The following CDHR3 variants were observed in gnomAD, a reference collection of about 807,000 sequenced individuals.
The protein encoded by CDHR3 is cadherin related family member 3, also known as cadherin-related family member 3.
A neutral mutation model predicts 86.6 loss-of-function variants in CDHR3; 79 were observed. The observed-to-expected ratio is 0.91, with a 90% CI of 0.76 to 1.10. The LOEUF is 1.10. CDHR3 is among the 50% of genes least tolerant of loss of function. CDHR3 has a pLI of 0.00. For synonymous variants in CDHR3, 421 were observed against 402.4 expected (o/e 1.05, Z -0.55); for missense variants, 1,081 against 1,077.6 (o/e 1.00, Z -0.04).
rs762962922 is a variant in CDHR3, at chr7:106,026,665, T to C, written c.2259-17T>C. On this transcript the variant is annotated splice_polypyrimidine_tract_variant and intron_variant, in intron 15 of 18. Transcript: ENST00000317716. ...TACTTTCAAGTGAATTAATAGCCAT[T>C]CTTTTTCCCCCCATAGGACAAAGAA... The C allele has an allele frequency of 3.1e-6, 5 of 1,613,722 alleles. No individual in the cohort carries two copies. The Admixed American group carries it at 5.0e-5, about 16-fold the overall frequency.
At chr7:106,019,797 A>G (rs773313201) in intron 12 of CDHR3, among the ~76,000 whole-genome samples, 1 of 152,190 alleles carries the variant, frequency 6.6e-6, no homozygotes, top group Non-Finnish European at 1.5e-5. Context: ...GCTGCATATT[A>G]GAATCAGCTA....
At chr7:106,009,426 G>A (rs536113193) in intron 8 of CDHR3, among the ~76,000 whole-genome samples, 136 of 152,324 alleles carry the variant, frequency 8.9e-4, no homozygotes, top group Non-Finnish European at 1.7e-3. Flanking sequence ...GTCCAACTAT[G>A]TCAAAGCCAA....
At chr7:106,028,947 T>C (rs142690278) in intron 17 of CDHR3, among the ~76,000 whole-genome samples, 10 of 144,856 alleles carry the variant, frequency 6.9e-5, no homozygotes, top group African/African-American at 2.6e-4. Context: ...TTTCTTTCTT[T>C]CTTTCTTTCT....
At chr7:105,986,113 A>G (rs1241399927) in intron 4 of CDHR3, among the ~76,000 whole-genome samples, 2 of 152,218 alleles carry the variant, frequency 1.3e-5, no homozygotes, top group Admixed American at 6.5e-5. Flanking sequence ...TACAGGATAG[A>G]GCAGGCAGGC....
chr7:106,024,579 C>T lies in CDHR3; in HGVS notation c.2258+17C>T. On this transcript the variant is annotated intron_variant, in intron 15 of 18. Transcript: ENST00000317716. ...GGAACCTCTGTAAGTTGCCAGTGGG[C>T]TGGGCCCTCTTCCCCACCTCCTTTA... 6.2e-7 allele frequency: 1 copy of T among 1,612,570 alleles called. No homozygotes were observed. The highest frequency in any genetic ancestry group is 8.5e-7 in the Non-Finnish European group (1 of 1,179,022).
chr7:106,032,441 G>A lies in CDHR3; in HGVS notation c.2402G>A (p.Trp801Ter). ...EFNSKTGARK[W>*]KDPLTQMPKW... ...AACTCAAAAACTGGAGCCAGAAAGT[G>A]GAAAGATCCACTAACCCAAATGCCA... The change falls in exon 19 of 19, where the codon TGG becomes TAG. Residue 801 changes from tryptophan (W) to a stop codon, truncating the protein, a stop_gained. Coordinates refer to ENST00000317716, the MANE Select transcript of CDHR3 (RefSeq NM_152750.5). LOFTEE classifies it low-confidence loss of function (END_TRUNC). 1 of 1,613,162 alleles carries A rather than the reference G, an allele frequency of 6.2e-7. No homozygotes were observed. The highest frequency in any genetic ancestry group is 8.5e-7 in the Non-Finnish European group (1 of 1,179,318).
intron 13 of CDHR3, among the ~76,000 whole-genome samples, chr7:106,021,592 C>G (rs1836582404): frequency 6.6e-6 from 1 of 152,174 alleles, no homozygotes; most frequent in Non-Finnish European, 1.5e-5. Flanking sequence ...CTGAGCTGAG[C>G]CATGAGCCCC....
In CDHR3 at chr7:106,015,141, A is replaced by G. The variant is rs1234728910; in HGVS notation, c.1255A>G (p.Ser419Gly). The G allele has an allele frequency of 3.1e-6, 5 of 1,610,404 alleles. No individual in the cohort carries two copies. The highest frequency in any genetic ancestry group is 4.2e-6 in the Non-Finnish European group (5 of 1,178,444). The change falls in exon 10 of 19, where the codon AGT (serine) becomes GGT (glycine). Residue 419 changes from serine to glycine, a missense_variant. Coordinates refer to ENST00000317716, the MANE Select transcript of CDHR3 (RefSeq NM_152750.5). The part of the protein sequence containing the change: ...LIGDLDYENP[S>G]NLAAGNKYTV... ...TGGTGATCTAGACTACGAAAATCCA[A>G]GTAACCTAGCAGCCGGCAATAAATA... is the stretch of plus-strand genomic sequence containing the variant.
chr7:105,982,692 T>G (rs1829951220), intron 3 of CDHR3, among the ~76,000 whole-genome samples: 1 of 151,570 alleles, frequency 6.6e-6, no homozygotes, highest in South Asian at 2.1e-4. Flanking sequence ...CTCTTCCTCA[T>G]TTCTTTAGGG....
At chr7:106,024,942 A>T (rs1212852073) in intron 15 of CDHR3, among the ~76,000 whole-genome samples, 1 of 152,182 alleles carries the variant, frequency 6.6e-6, no homozygotes, top group Non-Finnish European at 1.5e-5. Flanking sequence ...GATAGTATGG[A>T]ATTAAGGCAA....
At chr7:106,004,823 G>C in intron 8 of CDHR3, 136 bp downstream of exon 8, 1 of 791,156 alleles carries the variant, frequency 1.3e-6, no homozygotes, top group Non-Finnish European at 2.0e-6. Context: ...GATGTGAACT[G>C]TTCACTGTTG....
intron 15 of CDHR3, among the ~76,000 whole-genome samples, chr7:106,025,171 G>A (rs748471687): frequency 6.6e-6 from 1 of 152,158 alleles, no homozygotes; most frequent in Non-Finnish European, 1.5e-5. Context: ...GCTAAAGTGA[G>A]GTAGTAGAGT....
rs1218703745 is a variant in CDHR3 at position 106,024,456 on chromosome 7, T to C, written c.2152T>C (p.Leu718=). ...ATGGTACGTGCCGTTTGTCATCACT[T>C]TGGGCTCCATATTGCTTCTGGGTCT... is the stretch of plus-strand genomic sequence containing the variant. ...SAWYVPFVIT[L]GSILLLGLLV... Residue 718 remains leucine, a synonymous_variant, in exon 15 of 19, where the codon TTG becomes CTG. Coordinates refer to ENST00000317716, the MANE Select transcript of CDHR3 (RefSeq NM_152750.5). The C allele has an allele frequency of 6.2e-7, 1 of 1,613,940 alleles. No homozygotes were observed. The highest frequency in any genetic ancestry group is 1.3e-5 in the African/African-American group (1 of 74,944).
At chr7:105,969,328 G>A (rs1353712900) in intron 1 of CDHR3, among the ~76,000 whole-genome samples, 4 of 147,490 alleles carry the variant, frequency 2.7e-5, no homozygotes, top group Non-Finnish European at 4.5e-5. Context: ...GAACCCCAGG[G>A]GGCGGAGCCT....
intron 5 of CDHR3, among the ~76,000 whole-genome samples, 154 bp from the exon 6 acceptor site, chr7:105,996,096 T>G (rs1438786133): frequency 1.3e-5 from 2 of 152,126 alleles, no homozygotes; most frequent in African/African-American, 4.8e-5. Flanking sequence ...AAGGTCACCC[T>G]GCAGGCCCTG....
chr7:105,982,015 G>C (rs1829815284), intron 3 of CDHR3, among the ~76,000 whole-genome samples: 1 of 151,914 alleles, frequency 6.6e-6, no homozygotes, highest in East Asian at 1.9e-4. Flanking sequence ...ATCTCACCTG[G>C]ATTGTTGCAA....
In CDHR3 at chr7:106,032,904, A is replaced by G; in HGVS notation, c.*207A>G. 1 of 548,806 alleles carries G rather than the reference A, an allele frequency of 1.8e-6. No individual in the cohort carries two copies. 34.0% of individuals were successfully genotyped at this position (548,806 alleles called of 1,614,324 possible). On this transcript the variant is annotated 3_prime_UTR_variant, in exon 19 of 19. Transcript: ENST00000317716. ...GCGTGTTCTGAAATGATACAGGAAC[A>G]TTTTCTATCAGATTTCAGAACTACC... is the stretch of plus-strand genomic sequence containing the variant.
intron 7 of CDHR3, among the ~76,000 whole-genome samples, chr7:106,002,397 G>A (rs542237950): frequency 2.0e-5 from 3 of 152,220 alleles, no homozygotes; most frequent in East Asian, 1.9e-4. Flanking sequence ...ACAAAAGGGT[G>A]TGATAAACCT....
intron 8 of CDHR3, among the ~76,000 whole-genome samples, chr7:106,009,937 G>A (rs1012703586): frequency 2.6e-5 from 4 of 152,210 alleles, no homozygotes; most frequent in Non-Finnish European, 5.9e-5. Flanking sequence ...TGGGAGCGAG[G>A]GCAGCTCGCT....
Sources: gnomAD v4.1 joint callset for allele counts (sites outside exome capture counted in the v4.1 genomes callset) on GRCh38, gnomAD v4.1.1 for gene constraint, MANE v1.5 for transcripts, NCBI Gene and HGNC (gene_info 2026-07-23, HGNC 2026-07-21) for gene names.